The following KMT2C variants were observed in gnomAD, a reference collection of about 807,000 sequenced individuals.
KMT2C encodes lysine methyltransferase 2C, also known as histone-lysine N-methyltransferase 2C.
A neutral mutation model predicts 507.9 loss-of-function variants in KMT2C; 88 were observed. The observed-to-expected ratio is 0.17, with a 90% CI of 0.15 to 0.21. The LOEUF is 0.21. KMT2C is among the 10% of genes least tolerant of loss of function. The pLI is 1.00. For synonymous variants in KMT2C, 2,049 were observed against 2,080.8 expected, an observed-to-expected ratio of 0.98 and a Z score of 0.42; for missense variants, 4,954 against 5,957.8, an observed-to-expected ratio of 0.83 and a Z score of 5.55.
chr7:152,411,559 A>AC (rs1198459122), intron 1 of KMT2C, among the ~76,000 whole-genome samples: 2 of 152,258 alleles, frequency 1.3e-5, no homozygotes, highest in Admixed American at 6.5e-5. Flanking sequence ...AAGAAAAGGC[A>AC]CGAGTAGAGA....
At chr7:152,357,545 A>G (rs2097162458) in intron 2 of KMT2C, among the ~76,000 whole-genome samples, 1 of 152,130 alleles carries the variant, frequency 6.6e-6, no homozygotes, top group African/African-American at 2.4e-5. Context: ...AAACAAACAA[A>G]CAAACAAACA....
At chr7:152,300,506 T>C (rs1014602720) in intron 6 of KMT2C, among the ~76,000 whole-genome samples, 6 of 152,204 alleles carry the variant, frequency 3.9e-5, no homozygotes, top group African/African-American at 9.6e-5. Flanking sequence ...GGAAAGAAGG[T>C]AGTCTGTGTG....
chr7:152,302,406 T>C (rs1048165843), intron 6 of KMT2C, among the ~76,000 whole-genome samples: 13 of 151,376 alleles, frequency 8.6e-5, no homozygotes, highest in African/African-American at 2.4e-4. Context: ...GTATTTTTAG[T>C]AGAGAGGGGG....
chr7:152,163,223 G>A lies in KMT2C; in HGVS notation c.10354C>T (p.Pro3452Ser). 2 of 1,614,104 alleles carry A rather than the reference G, an allele frequency of 1.2e-6. No individual in the cohort carries two copies. Among genetic ancestry groups the A allele is most frequent in the Non-Finnish European group, 8.5e-7 (1 of 1,180,004 alleles). Residue 3452 changes from proline to serine, a missense_variant, in exon 43 of 59, where the codon CCC becomes TCC. Pro to Ser is a moderately conservative substitution (Grantham distance 74, BLOSUM62 -1). Around this residue, in one of 29 missense-constraint regions of KMT2C, gnomAD observed 801 missense variants for 751.2 expected, o/e 1.07. Coordinates refer to ENST00000262189, the MANE Select transcript of KMT2C (RefSeq NM_170606.3). The part of the protein sequence containing the change: ...SSSRTSVSQI[P>S]FYSSDLPCDF... ...CAAGGTAAGTCGGAACTGTAGAAGG[G>A]AATCTGGGACACAGATGTCCTACTA...
intron 1 of KMT2C, among the ~76,000 whole-genome samples, chr7:152,398,865 T>C (rs1231869686): frequency 2.6e-5 from 4 of 152,180 alleles, no homozygotes; most frequent in Non-Finnish European, 5.9e-5. Context: ...TTCAGCTCTG[T>C]CACCCAGGCT....
chr7:152,188,434 G>C (rs1401729669), intron 31 of KMT2C, among the ~76,000 whole-genome samples: 1 of 152,066 alleles, frequency 6.6e-6, no homozygotes, highest in Admixed American at 6.5e-5. Flanking sequence ...CTGGTATGCA[G>C]TAACTATTCG....
intron 7 of KMT2C, among the ~76,000 whole-genome samples, chr7:152,271,694 A>C (rs1588767077): frequency 1.3e-5 from 2 of 151,162 alleles, no homozygotes; most frequent in Admixed American, 1.3e-4. Flanking sequence ...AAAAAAAAAA[A>C]ACCCCAAAGA....
chr7:152,380,097 CAGCATGTGCCT>C, intron 1 of KMT2C, among the ~76,000 whole-genome samples: 2 of 152,294 alleles, frequency 1.3e-5, no homozygotes. Context: ...CCAGGGGTGG[CAGCATGTGCCT>C]GTAGTCCCAG....
chr7:152,225,296 T>C (rs2094892998), intron 18 of KMT2C, among the ~76,000 whole-genome samples: 1 of 152,106 alleles, frequency 6.6e-6, no homozygotes, highest in Non-Finnish European at 1.5e-5. Flanking sequence ...GCCCACATTA[T>C]AATAAAACAG....
chr7:152,155,687 ATTATTTAAC>A (rs953028691), intron 46 of KMT2C, among the ~76,000 whole-genome samples: 9 of 152,164 alleles, frequency 5.9e-5, no homozygotes, highest in African/African-American at 2.2e-4. Context: ...TGTCTATTAG[ATTATTTAAC>A]TCTCTATATG....
At chr7:152,334,899 G>C (rs564319166) in intron 2 of KMT2C, among the ~76,000 whole-genome samples, 1 of 152,258 alleles carries the variant, frequency 6.6e-6, no homozygotes, top group East Asian at 1.9e-4. Flanking sequence ...GCTATATTTT[G>C]GGGTCTCTGT....
At chr7:152,208,312 C>T (rs1444443980) in intron 23 of KMT2C, among the ~76,000 whole-genome samples, 1 of 152,214 alleles carries the variant, frequency 6.6e-6, no homozygotes, top group African/African-American at 2.4e-5. Flanking sequence ...TCCCCAATTT[C>T]TGCCTTCTAC....
chr7:152,209,847 A>T (rs2094412219), intron 23 of KMT2C, among the ~76,000 whole-genome samples: 1 of 152,136 alleles, frequency 6.6e-6, no homozygotes, highest in Admixed American at 6.5e-5. Context: ...CCAGTTTATA[A>T]CACTCCTCAG....
At chr7:152,289,102 C>T (rs1436446095) in intron 6 of KMT2C, among the ~76,000 whole-genome samples, 1 of 152,288 alleles carries the variant, frequency 6.6e-6, no homozygotes, top group Non-Finnish European at 1.5e-5. Context: ...GAAGAAAGAA[C>T]AAACAAATAG....
At chr7:152,304,671 C>G (rs2096599451) in intron 6 of KMT2C, among the ~76,000 whole-genome samples, 1 of 152,088 alleles carries the variant, frequency 6.6e-6, no homozygotes, top group Admixed American at 6.5e-5. Context: ...TCAGAATATA[C>G]TCAGCTACAT....
chr7:152,140,593 T>A (rs565566959), intron 55 of KMT2C, among the ~76,000 whole-genome samples: 1 of 152,318 alleles, frequency 6.6e-6, no homozygotes, highest in East Asian at 1.9e-4. Flanking sequence ...GGCAACTGAA[T>A]GCAAAAGTAC....
At position 152,162,741 on chromosome 7, in the gene KMT2C, T is replaced by C. The variant is rs1265542031; in HGVS notation, c.10836A>G (p.Arg3612=). 6.2e-7 allele frequency: 1 copy of C among 1,614,198 alleles called. No homozygotes were observed. ...GKKKRTRKKK[R]DDDAESTKAP... Reference sequence around the variant, plus strand: ...CCTTGGTGGATTCTGCATCATCATCTCTTTTCTTCTTTCTTGTTCTTTTCT... The same window carrying C: ...CCTTGGTGGATTCTGCATCATCATCCCTTTTCTTCTTTCTTGTTCTTTTCT... The change falls in exon 43 of 59, where the codon AGA becomes AGG. Residue 3612 remains arginine, a synonymous_variant. Transcript: ENST00000262189.
At chr7:152,207,813 C>T (rs539445551) in intron 23 of KMT2C, among the ~76,000 whole-genome samples, 1 of 152,264 alleles carries the variant, frequency 6.6e-6, no homozygotes, top group East Asian at 1.9e-4. Flanking sequence ...ACTGTATATC[C>T]AAAATGAACT....
At chr7:152,230,890 T>C (rs970718563) in intron 16 of KMT2C, among the ~76,000 whole-genome samples, 5 of 152,202 alleles carry the variant, frequency 3.3e-5, no homozygotes, top group African/African-American at 1.2e-4. Context: ...CGATCTCGGC[T>C]CGTTGCAACC....
Sources: allele counts gnomAD v4.1 joint callset (sites outside exome capture counted in the v4.1 genomes callset), GRCh38; gene constraint gnomAD v4.1.1; regional missense constraint gnomAD v4.1.1; transcripts MANE v1.5; gene names NCBI Gene and HGNC (gene_info 2026-07-23, HGNC 2026-07-21).